The following GPR63 variants were observed in gnomAD, a reference collection of about 807,000 sequenced individuals.
The protein encoded by GPR63 is G protein-coupled receptor 63.
In GPR63, 12 loss-of-function variants were observed where a neutral mutation model predicts 23.1. The ratio of observed to expected loss-of-function variants is 0.52; its 90% CI spans 0.33 to 0.84. The LOEUF is 0.84. GPR63 is among the 40% of genes least tolerant of loss of function. The probability of loss-of-function intolerance (pLI) is 0.02; values close to 1 mark genes in which losing one functional copy is unlikely to be tolerated. For missense variants in GPR63, 472 were observed against 515.6 expected (o/e 0.92, Z 0.82); for synonymous variants, 172 against 191.1 (o/e 0.90, Z 0.82).
At chr6:96,824,679 T>C (rs886481341) in intron 1 of GPR63, among the ~76,000 whole-genome samples, 5 of 150,410 alleles carry the variant, frequency 3.3e-5, no homozygotes, top group Admixed American at 2.0e-4. Flanking sequence ...AAAATGGCTG[T>C]GTTCTTAACA....
intron 1 of GPR63, among the ~76,000 whole-genome samples, chr6:96,816,325 C>T (rs1024214592): frequency 6.6e-6 from 1 of 152,072 alleles, no homozygotes; most frequent in Admixed American, 6.5e-5. Context: ...TGATACTCCA[C>T]CAATGGGAAT....
At chr6:96,836,823 A>G (rs1357407589) in intron 1 of GPR63, among the ~76,000 whole-genome samples, 2 of 152,060 alleles carry the variant, frequency 1.3e-5, no homozygotes, top group South Asian at 4.1e-4. Context: ...GGTAAATTTC[A>G]GCCCTCAAGC....
chr6:96,803,994 A>G (rs1773836132), intron 1 of GPR63, among the ~76,000 whole-genome samples: 1 of 152,242 alleles, frequency 6.6e-6, no homozygotes, highest in Non-Finnish European at 1.5e-5. Flanking sequence ...TGTTTATACA[A>G]ACACACCACA....
chr6:96,800,149 A>C (rs921389411), intron 1 of GPR63, among the ~76,000 whole-genome samples: 3 of 152,244 alleles, frequency 2.0e-5, no homozygotes, highest in African/African-American at 7.2e-5. Context: ...CAAAAATTAT[A>C]ATCTTACTGT....
intron 1 of GPR63, among the ~76,000 whole-genome samples, chr6:96,828,581 G>T (rs1462185912): frequency 7.5e-6 from 1 of 132,966 alleles, no homozygotes; most frequent in Non-Finnish European, 1.6e-5. Context: ...AAAAAAAATG[G>T]TAGGGGCAGA....
intron 1 of GPR63, among the ~76,000 whole-genome samples, chr6:96,811,873 TAAATAAATAAATAAATA>T (rs1409559062): frequency 1.4e-5 from 2 of 146,376 alleles, no homozygotes; most frequent in African/African-American, 5.1e-5. Flanking sequence ...AATAAATAAA[TAAATAAATAAATAAATA>T]AAATAAAAGG....
At chr6:96,833,428 C>T (rs1774642158) in intron 1 of GPR63, among the ~76,000 whole-genome samples, 1 of 152,330 alleles carries the variant, frequency 6.6e-6, no homozygotes, top group South Asian at 2.1e-4. Context: ...TGTTCTCTCT[C>T]TAAAGTTACC....
chr6:96,824,725 A>G (rs1774396734), intron 1 of GPR63, among the ~76,000 whole-genome samples: 1 of 151,864 alleles, frequency 6.6e-6, no homozygotes, highest in Admixed American at 6.6e-5. Context: ...CCACAGTCAC[A>G]AGGGAGAAAG....
chr6:96,812,081 T>A (rs1413136091), intron 1 of GPR63, among the ~76,000 whole-genome samples: 1 of 151,966 alleles, frequency 6.6e-6, no homozygotes, highest in Non-Finnish European at 1.5e-5. Flanking sequence ...TCACACAAAG[T>A]GAGACAGGGT....
intron 1 of GPR63, among the ~76,000 whole-genome samples, chr6:96,828,195 G>A (rs1242303278): frequency 1.3e-5 from 2 of 152,096 alleles, no homozygotes; most frequent in East Asian, 1.9e-4. Flanking sequence ...CTATCGGGAT[G>A]CATTTCTGGT....
At chr6:96,808,823 G>T (rs1773966971) in intron 1 of GPR63, among the ~76,000 whole-genome samples, 1 of 152,040 alleles carries the variant, frequency 6.6e-6, no homozygotes, top group African/African-American at 2.4e-5. Flanking sequence ...TGTGCACAAT[G>T]TGCAGGTTAG....
At chr6:96,818,788 G>A (rs1477210296) in intron 1 of GPR63, among the ~76,000 whole-genome samples, 1 of 152,110 alleles carries the variant, frequency 6.6e-6, no homozygotes, top group African/African-American at 2.4e-5. Flanking sequence ...TCTGACAAAA[G>A]TCTAATATCC....
rs1163901195 is a variant in GPR63 at position 96,797,129 on chromosome 6, G to A, written c.*1343C>T. On this transcript the variant is annotated 3_prime_UTR_variant, in exon 2 of 2. Coordinates refer to ENST00000229955, the MANE Select transcript of GPR63 (RefSeq NM_030784.4). Reference sequence around the variant, plus strand: ...GTGTGTGGTTCCAGCTATTCAGGAGGCTGAGACAGGAGGATTACCTGAGCC... The same window carrying A: ...GTGTGTGGTTCCAGCTATTCAGGAGACTGAGACAGGAGGATTACCTGAGCC... 1.3e-5 allele frequency: 2 copies of A among 152,064 alleles called. No individual in the cohort carries two copies. The highest frequency in any genetic ancestry group is 4.8e-5 in the African/African-American group (2 of 41,384). 9.4% of individuals were successfully genotyped at this position (152,064 alleles called of 1,614,324 possible).
intron 1 of GPR63, among the ~76,000 whole-genome samples, chr6:96,808,645 C>T (rs970485563): frequency 6.6e-6 from 1 of 152,160 alleles, no homozygotes; most frequent in Non-Finnish European, 1.5e-5. Flanking sequence ...GGCTGAAGTG[C>T]TGAGGGCTTC....
At chr6:96,811,837 AAAATAAATAAAT>A (rs199649144) in intron 1 of GPR63, among the ~76,000 whole-genome samples, 21,151 of 141,974 alleles carry the variant, frequency 0.15, 1,790 homozygotes, top group Non-Finnish European at 0.19. Flanking sequence ...TATTTCATTA[AAAATAAATAAAT>A]AAATAAATAA....
chr6:96,816,946 T>G (rs1774179233), intron 1 of GPR63, among the ~76,000 whole-genome samples: 1 of 152,220 alleles, frequency 6.6e-6, no homozygotes, highest in Non-Finnish European at 1.5e-5. Flanking sequence ...TTCTTAATAT[T>G]TATTAAGTTT....
chr6:96,821,215 A>ATAGTGC (rs1307712815), intron 1 of GPR63, among the ~76,000 whole-genome samples: 1 of 152,268 alleles, frequency 6.6e-6, no homozygotes, highest in Non-Finnish European at 1.5e-5. Flanking sequence ...GTATTGACAC[A>ATAGTGC]TAGTGCTCAA....
chr6:96,799,919 A>C, intron 1 of GPR63, 38 bp from the exon 2 acceptor site: 1 of 622,258 alleles, frequency 1.6e-6, no homozygotes, highest in Non-Finnish European at 2.9e-6. Flanking sequence ...TAAATGAGAA[A>C]TGAGATTTGC....
chr6:96,798,820 A>G lies in GPR63; in HGVS notation c.912T>C (p.Ile304=), dbSNP rs1005588169. ...MSLQRPFQMS[I]DMGFKTRAFT... The stretch of plus-strand genomic sequence containing the variant: ...AGGCACGTGTTTTAAAGCCCATGTC[A>G]ATGCTCATCTGGAAAGGTCTCTGCA... The change falls in exon 2 of 2, where the codon ATT becomes ATC. Residue 304 remains isoleucine, a synonymous_variant. Transcript: ENST00000229955. 3.1e-6 allele frequency: 5 copies of G among 1,614,060 alleles called. No individual in the cohort carries two copies. Among genetic ancestry groups the G allele is most frequent in the African/African-American group, 2.7e-5 (2 of 74,926 alleles).
Sources: gnomAD v4.1 joint callset for allele counts (sites outside exome capture counted in the v4.1 genomes callset) on GRCh38, gnomAD v4.1.1 for gene constraint, MANE v1.5 for transcripts, NCBI Gene and HGNC (gene_info 2026-07-23, HGNC 2026-07-21) for gene names.